The following DNAH2 variants were observed in gnomAD, a reference collection of about 807,000 sequenced individuals.
DNAH2 encodes the protein dynein axonemal heavy chain 2, also known as axonemal beta dynein heavy chain 2.
In DNAH2, 323 loss-of-function variants were observed where a neutral mutation model predicts 523.5. The observed-to-expected ratio is 0.62, with a 90% CI of 0.56 to 0.68. The LOEUF (loss-of-function observed/expected upper bound fraction) is 0.68, where lower values mean the gene tolerates loss of function less well. Ranked by LOEUF, DNAH2 falls within the 30% of genes least tolerant of loss-of-function variation. The pLI, the probability that DNAH2 is intolerant of heterozygous loss-of-function variation, is 0.00. For synonymous variants in DNAH2, 2,093 were observed against 2,177.4 expected (o/e 0.96, Z 1.08); for missense variants, 4,907 against 5,701.5 (o/e 0.86, Z 4.49).
rs1463474509 is a variant in DNAH2, at chr17:7,770,649, G to A, written c.4181+10G>A. ...GCCATCATCGGCTCAGGTCAGGGGA[G>A]CTGGGGCTCTAGGAGAATGGAGGGC... is the stretch of plus-strand genomic sequence containing the variant. On this transcript the variant is annotated intron_variant, in intron 26 of 85. Transcript: ENST00000572933. The A allele has an allele frequency of 6.2e-7, 1 of 1,614,152 alleles. No homozygotes were observed. Among genetic ancestry groups the A allele is most frequent in the Admixed American group, 1.7e-5 (1 of 60,018 alleles).
chr17:7,796,405 G>T lies in DNAH2; in HGVS notation c.7675-59G>T. On this transcript the variant is annotated intron_variant, in intron 49 of 85. Coordinates refer to ENST00000572933, the MANE Select transcript of DNAH2 (RefSeq NM_020877.5). ...TGCCCATGAGCCAAGCTCTTTATTG[G>T]CTTCCCCTCTGGCTAGAAGGCCAGC... 6.3e-7 allele frequency: 1 copy of T among 1,576,154 alleles called. No individual in the cohort carries two copies. Among genetic ancestry groups the T allele is most frequent in the Non-Finnish European group, 8.6e-7 (1 of 1,161,054 alleles).
chr17:7,746,993 TA>T (rs768828946), intron 12 of DNAH2, among the ~76,000 whole-genome samples: 4,461 of 100,278 alleles, frequency 0.044, 86 homozygotes, highest in African/African-American at 0.082. Context: ...ATCTCAAAAT[TA>T]AAAAAAAAAA....
rs1312460362 is a variant in DNAH2 at position 7,760,236 on chromosome 17, C to T, written c.2785+298C>T. Among the ~76,000 whole-genome samples the T allele has an allele frequency of 2.0e-5, 3 of 152,082 alleles. No individual in the cohort carries two copies. Among genetic ancestry groups the T allele is most frequent in the African/African-American group, 2.4e-5 (1 of 41,404 alleles). Reference sequence around the variant, plus strand: ...TCCAAAAATTAGCCAGGCATGGTGGCGGGTGCCTATAATCCCAACTACTCA... The same window carrying T: ...TCCAAAAATTAGCCAGGCATGGTGGTGGGTGCCTATAATCCCAACTACTCA... On this transcript the variant is annotated intron_variant, in intron 17 of 85. Transcript: ENST00000572933. This position sits in a 1 kb window ranked among gnomAD's most constrained non-coding sequence, Gnocchi z 4.0.
At chr17:7,768,946 G>A (rs1053680168) in intron 24 of DNAH2, among the ~76,000 whole-genome samples, 7 of 151,990 alleles carry the variant, frequency 4.6e-5, no homozygotes, top group Non-Finnish European at 7.4e-5. Flanking sequence ...TCCATTCATC[G>A]CTTGATGGAC....
At chr17:7,773,326 A>G (rs1428672575) in intron 28 of DNAH2, among the ~76,000 whole-genome samples, 1 of 152,158 alleles carries the variant, frequency 6.6e-6, no homozygotes, top group Non-Finnish European at 1.5e-5. Context: ...GTGTAAGTGG[A>G]GGGTAATCTC....
intron 63 of DNAH2, among the ~76,000 whole-genome samples, chr17:7,808,512 C>G (rs1017341303): frequency 1.3e-5 from 2 of 152,206 alleles, no homozygotes; most frequent in African/African-American, 4.8e-5. Flanking sequence ...TGATACTACT[C>G]TGTCCCCAAG....
At chr17:7,810,475 G>A (rs2077484822) in intron 63 of DNAH2, among the ~76,000 whole-genome samples, 1 of 152,064 alleles carries the variant, frequency 6.6e-6, no homozygotes. Context: ...TGTAACTTCT[G>A]CCTCCCAGAT....
Position 7,759,032 on chromosome 17 carries a change from G to A in DNAH2, c.2356G>A (p.Ala786Thr), listed in dbSNP as rs1374942411. ...EFEEDQREHR[A>T]AVQQKLMNLH... ...TGAAGAGGACCAAAGAGAGCATCGG[G>A]CAGCTGTACAGCAGAAATTGATGAA... is the stretch of plus-strand genomic sequence containing the variant. The change falls in exon 15 of 86, where the codon GCA becomes ACA. Residue 786 changes from alanine (A) to threonine (T), a missense_variant. Coordinates refer to ENST00000572933, the MANE Select transcript of DNAH2 (RefSeq NM_020877.5). 3 of 1,614,042 alleles carry A rather than the reference G, an allele frequency of 1.9e-6. No individual in the cohort carries two copies. The Admixed American group carries it at 5.0e-5, about 27-fold the overall frequency.
chr17:7,765,238 TCC>T, intron 20 of DNAH2, among the ~76,000 whole-genome samples, 151 bp from the exon 21 acceptor site: 1 of 148,310 alleles, frequency 6.7e-6, no homozygotes, highest in Non-Finnish European at 1.5e-5. Context: ...GACCTCCTGC[TCC>T]TGGTCATCCT....
In DNAH2 at chr17:7,766,419, G is replaced by A. The variant is rs1266932862; in HGVS notation, c.3613G>A (p.Ala1205Thr). ...AMREEENSLR[A>T]NLGIFKIEQP... ...GCGGGAAGAGGAAAATAGTCTCCGAGCCAACCTGGGCATCTTCAAGATCGA... is the reference window on the plus strand; with the variant it reads ...GCGGGAAGAGGAAAATAGTCTCCGAACCAACCTGGGCATCTTCAAGATCGA... Residue 1205 changes from alanine (A) to threonine (T), a missense_variant, in exon 22 of 86, where the codon GCC becomes ACC. By Grantham distance (58) the Ala-to-Thr change is moderately conservative. Transcript: ENST00000572933. 4 of 1,613,896 alleles carry A rather than the reference G, an allele frequency of 2.5e-6. No homozygotes were observed. In the African/African-American group the frequency reaches 4.0e-5, roughly 16 times the overall value.
Position 7,819,397 on chromosome 17 carries a change from C to T in DNAH2, c.11004C>T (p.Tyr3668=), listed in dbSNP as rs185083349. The T allele has an allele frequency of 4.8e-5, 77 of 1,614,254 alleles. No individual in the cohort carries two copies. Among genetic ancestry groups the T allele is most frequent in the South Asian group, 1.5e-4 (14 of 91,092 alleles). Residue 3668 remains tyrosine (Y), a synonymous_variant, in exon 72 of 86, where the codon TAC becomes TAT. Coordinates refer to ENST00000572933, the MANE Select transcript of DNAH2 (RefSeq NM_020877.5). ...RIDYLNDYHT[Y]AVYRYTCRTL... ...ACTACCTGAATGACTACCACACCTA[C>T]GCTGTCTACAGGTCTGAGGGTGCCC... is the stretch of plus-strand genomic sequence containing the variant.
rs1272481918 is a variant in DNAH2 at position 7,743,015 on chromosome 17, G to C, written c.1777G>C (p.Glu593Gln). Residue 593 changes from glutamate (E) to glutamine (Q), a missense_variant, in exon 12 of 86, where the codon GAG becomes CAG. Physicochemically the swap from Glu to Gln is conservative, Grantham distance 29. Around this residue, in one of 3 missense-constraint regions of DNAH2, gnomAD observed 2,806 missense variants for 3,190.8 expected, o/e 0.88. Transcript: ENST00000572933. ...TYQQMVQAID[E>Q]LVRKTFQEWT... ...TCAGCAGATGGTCCAGGCCATTGAT[G>C]AGCTGGTTCGAAAAACCTTCCAAGA... The C allele has an allele frequency of 6.6e-7, 1 of 1,523,388 alleles. No individual in the cohort carries two copies. The highest frequency in any genetic ancestry group is 2.3e-5 in the Admixed American group (1 of 44,092). The allele number at this position is 1,523,388 out of a possible 1,614,324, so 94.4% of individuals were successfully genotyped here.
chr17:7,778,215 G>T (rs374211559), intron 34 of DNAH2, 35 bp downstream of exon 34: 2 of 1,613,870 alleles, frequency 1.2e-6, no homozygotes, highest in Non-Finnish European at 1.7e-6. Context: ...TGGCTGGGGT[G>T]GGGGGCAGCA....
intron 11 of DNAH2, 130 bp from the exon 12 acceptor site, chr17:7,742,798 T>C (rs146334070): frequency 3.7e-6 from 2 of 540,010 alleles, no homozygotes; most frequent in Admixed American, 4.4e-5. Flanking sequence ...ACTCAATCCA[T>C]CTCCATAGCA....
chr17:7,831,479 C>T lies in DNAH2; in HGVS notation c.12549C>T (p.Ser4183=). The T allele has an allele frequency of 6.2e-7, 1 of 1,614,184 alleles. No homozygotes were observed. The highest frequency in any genetic ancestry group is 1.1e-5 in the South Asian group (1 of 91,076). Residue 4183 remains serine (S), a synonymous_variant, in exon 81 of 86, where the codon TCC becomes TCT. Coordinates refer to ENST00000572933, the MANE Select transcript of DNAH2 (RefSeq NM_020877.5). The surrounding 1 kb of genome is among the most constrained non-coding windows in gnomAD (Gnocchi z 4.2). The part of the protein sequence containing the change: ...GTQKLLALDP[S]PLNVVLLQEI... ...AAAAACTGCTAGCTCTCGACCCCTCCCCCCTCAATGTGGTCCTTCTGCAGG... is the reference window on the plus strand; with the variant it reads ...AAAAACTGCTAGCTCTCGACCCCTCTCCCCTCAATGTGGTCCTTCTGCAGG...
chr17:7,777,637 G>A lies in DNAH2; in HGVS notation c.5247+3G>A, dbSNP rs79357671. On this transcript the variant is annotated splice_donor_region_variant and intron_variant, in intron 33 of 85. Transcript: ENST00000572933. ...AACTTCGGTTCTACTGGGAGAAGGT[G>A]CCAGATGGGCCACCTCCCCACTCTC... 6,743 of 1,613,766 alleles carry A rather than the reference G, an allele frequency of 4.2e-3. 190 individuals are homozygous for A. The African/African-American group carries it at 0.068, about 16-fold the overall frequency.
At chr17:7,740,263 T>C (rs2075272083) in intron 9 of DNAH2, among the ~76,000 whole-genome samples, 157 bp from the exon 10 acceptor site, 1 of 152,122 alleles carries the variant, frequency 6.6e-6, no homozygotes, top group Admixed American at 6.5e-5. Flanking sequence ...CACAGCATTG[T>C]TTTGAGGATT....
chr17:7,757,841 T>G (rs1044413228), intron 13 of DNAH2, among the ~76,000 whole-genome samples: 5 of 152,236 alleles, frequency 3.3e-5, no homozygotes, highest in African/African-American at 1.2e-4. Context: ...CTTCTTGCTC[T>G]GTCCTCACAT....
At chr17:7,779,818 G>T (rs541161002) in intron 36 of DNAH2, among the ~76,000 whole-genome samples, 1 of 152,306 alleles carries the variant, frequency 6.6e-6, no homozygotes, top group South Asian at 2.1e-4. Context: ...ATAGGAAAGG[G>T]TTTAGGAACT....
Sources: allele counts gnomAD v4.1 joint callset (sites outside exome capture counted in the v4.1 genomes callset), GRCh38; gene constraint gnomAD v4.1.1; regional missense constraint gnomAD v4.1.1; non-coding constraint Gnocchi (gnomAD v3.1); transcripts MANE v1.5; gene names NCBI Gene and HGNC (gene_info 2026-07-23, HGNC 2026-07-21).